Variants in ADAMTS9 observed in about 807,000 individuals in gnomAD.
ADAMTS9 encodes the protein A disintegrin and metalloproteinase with thrombospondin motifs 9.
ADAMTS9 carries 107 observed loss-of-function variants against 257.1 expected under a neutral mutation model. That is an observed-to-expected ratio of 0.42 (90% confidence interval 0.36 to 0.49). The LOEUF (loss-of-function observed/expected upper bound fraction) is 0.49, where lower values mean the gene tolerates loss of function less well. Ranked by LOEUF, ADAMTS9 falls within the 20% of genes least tolerant of loss-of-function variation. The pLI is 0.03. For synonymous variants in ADAMTS9, 982 were observed against 880.9 expected, an observed-to-expected ratio of 1.11 and a Z score of -2.03; for missense variants, 2,353 against 2,469.1, an observed-to-expected ratio of 0.95 and a Z score of 1.00.
intron 29 of ADAMTS9, among the ~76,000 whole-genome samples, chr3:64,562,568 A>G (rs2083446315): frequency 6.6e-6 from 1 of 152,198 alleles, no homozygotes; most frequent in Non-Finnish European, 1.5e-5. Flanking sequence ...TGTCTTGATT[A>G]AGGTTTTGAC....
In ADAMTS9 at chr3:64,649,623, C is replaced by A; in HGVS notation, c.1605+14G>T. The A allele has an allele frequency of 6.3e-7, 1 of 1,592,690 alleles. No homozygotes were observed. Among genetic ancestry groups the A allele is most frequent in the South Asian group, 1.1e-5 (1 of 87,830 alleles). Reference sequence around the variant, plus strand: ...ATCAGTAGATGAGGGCAGAAGTGGCCCTCCTACACTTACCATATATGGGCA... The same window carrying A: ...ATCAGTAGATGAGGGCAGAAGTGGCACTCCTACACTTACCATATATGGGCA... On this transcript the variant is annotated intron_variant, in intron 10 of 39. Coordinates refer to ENST00000498707, the MANE Select transcript of ADAMTS9 (RefSeq NM_182920.2).
At chr3:64,649,606 A>G in intron 10 of ADAMTS9, 31 bp downstream of exon 10, 1 of 1,579,514 alleles carries the variant, frequency 6.3e-7, no homozygotes, top group Non-Finnish European at 8.6e-7. Context: ...GAATCAGTAG[A>G]TGAGGGCAGA....
intron 11 of ADAMTS9, among the ~76,000 whole-genome samples, chr3:64,646,049 C>G (rs1700778187): frequency 6.6e-6 from 1 of 152,120 alleles, no homozygotes; most frequent in South Asian, 2.1e-4. Context: ...CAAGTCATTT[C>G]ATCACATGAT....
chr3:64,571,474 T>C (rs569266438), intron 28 of ADAMTS9, among the ~76,000 whole-genome samples: 220 of 152,310 alleles, frequency 1.4e-3, no homozygotes, highest in African/African-American at 5.1e-3. Context: ...ATAACTGACA[T>C]CTATTGCTAA....
chr3:64,560,746 A>G (rs1483475363), intron 30 of ADAMTS9, among the ~76,000 whole-genome samples: 1 of 152,104 alleles, frequency 6.6e-6, no homozygotes, highest in Non-Finnish European at 1.5e-5. Flanking sequence ...CCCTTTCTTT[A>G]TGTTCTGAAA....
intron 30 of ADAMTS9, among the ~76,000 whole-genome samples, chr3:64,560,876 C>T (rs2083409085): frequency 6.6e-6 from 1 of 151,986 alleles, no homozygotes; most frequent in African/African-American, 2.4e-5. Flanking sequence ...AATTCTTTCC[C>T]CCCCTTTTCT....
intron 8 of ADAMTS9, among the ~76,000 whole-genome samples, chr3:64,652,175 A>G (rs1193561696): frequency 6.6e-6 from 1 of 152,186 alleles, no homozygotes; most frequent in East Asian, 1.9e-4. Context: ...TCACTAGTTC[A>G]TCTTGATTAC....
At chr3:64,676,477 C>A (rs1356712270) in intron 3 of ADAMTS9, among the ~76,000 whole-genome samples, 2 of 151,978 alleles carry the variant, frequency 1.3e-5, no homozygotes, top group Non-Finnish European at 2.9e-5. Context: ...GCCTTTACTT[C>A]AGATATTCTG....
At chr3:64,574,447 T>C (rs543227580) in intron 28 of ADAMTS9, among the ~76,000 whole-genome samples, 1 of 150,474 alleles carries the variant, frequency 6.6e-6, no homozygotes, top group South Asian at 2.1e-4. Context: ...GCATGGCTGG[T>C]CACTCTGGCT....
At position 64,612,936 on chromosome 3, in the gene ADAMTS9, T is replaced by C. The variant is rs185874785; in HGVS notation, c.3354+409A>G. The stretch of plus-strand genomic sequence containing the variant: ...AGAGGTGAGCTTTGTAATTGTGACA[T>C]TGGGAGCCAAAATATCTTTTCCAAA... On this transcript the variant is annotated intron_variant, in intron 22 of 39. Transcript: ENST00000498707. Among the ~76,000 whole-genome samples the C allele has an allele frequency of 3.9e-5, 6 of 152,316 alleles. No individual in the cohort carries two copies. In the East Asian group the frequency reaches 9.7e-4, roughly 25 times the overall value.
intron 19 of ADAMTS9, among the ~76,000 whole-genome samples, chr3:64,619,231 T>A (rs1051725603): frequency 1.3e-5 from 2 of 151,966 alleles, no homozygotes; most frequent in Non-Finnish European, 2.9e-5. Flanking sequence ...ACTCAACCAG[T>A]CTCGTTCTGA....
intron 31 of ADAMTS9, among the ~76,000 whole-genome samples, chr3:64,548,337 C>A (rs1330803666): frequency 2.0e-5 from 3 of 152,158 alleles, no homozygotes; most frequent in Admixed American, 2.0e-4. Context: ...TTTCTTCCTT[C>A]TTTGGCTGCT....
chr3:64,522,172 T>C lies in ADAMTS9; in HGVS notation c.5807A>G (p.Ter1936TrpextTer13). The change falls in exon 39 of 40, where the codon TAG (stop) becomes TGG (tryptophan). Residue 1936 changes from the stop codon to tryptophan, a stop_lost. Coordinates refer to ENST00000498707, the MANE Select transcript of ADAMTS9 (RefSeq NM_182920.2). ...CAGACATAGGACTACTTACCTTAGCTATAAAACTCGCACCTCCAGGCCAGT... is the reference window on the plus strand; with the variant it reads ...CAGACATAGGACTACTTACCTTAGCCATAAAACTCGCACCTCCAGGCCAGT... ...SGTGLEVRVL[*>W] 6.2e-7 allele frequency: 1 copy of C among 1,613,790 alleles called. No homozygotes were observed. Among genetic ancestry groups the C allele is most frequent in the African/African-American group, 1.3e-5 (1 of 75,036 alleles).
At chr3:64,616,576 G>T (rs377592484) in intron 19 of ADAMTS9, among the ~76,000 whole-genome samples, 30 of 152,064 alleles carry the variant, frequency 2.0e-4, no homozygotes, top group African/African-American at 5.1e-4. Flanking sequence ...TTTAAAATTA[G>T]ATTTGAATCT....
intron 4 of ADAMTS9, among the ~76,000 whole-genome samples, chr3:64,657,771 CAT>C (rs1207838232): frequency 1.3e-5 from 2 of 151,902 alleles, no homozygotes; most frequent in Admixed American, 1.3e-4. Context: ...TTGTTAGAAA[CAT>C]ATACAAAAAC....
intron 30 of ADAMTS9, among the ~76,000 whole-genome samples, chr3:64,561,065 C>CTT (rs57577807): frequency 0.033 from 2,773 of 83,612 alleles, 66 homozygotes; most frequent in East Asian, 0.061. Context: ...AGATACCATC[C>CTT]TTTTTTTTTT....
intron 38 of ADAMTS9, among the ~76,000 whole-genome samples, chr3:64,528,989 T>G (rs1008355284): frequency 4.6e-5 from 7 of 152,112 alleles, no homozygotes; most frequent in African/African-American, 1.7e-4. Flanking sequence ...CTGCAGCCAC[T>G]GACGGTTTTC....
At chr3:64,642,805 C>T (rs1700686362) in intron 11 of ADAMTS9, among the ~76,000 whole-genome samples, 1 of 151,972 alleles carries the variant, frequency 6.6e-6, no homozygotes, top group South Asian at 2.1e-4. Flanking sequence ...ATCTCTGAAG[C>T]GGAGCTGGTG....
Position 64,611,490 on chromosome 3 carries a change from G to A in ADAMTS9, c.3354+1855C>T, listed in dbSNP as rs147763629. 2.1e-3 allele frequency among the ~76,000 whole-genome samples: 326 copies of A among 152,238 alleles called. 1 individual carries two copies. The highest frequency in any genetic ancestry group is 6.8e-3 in the Middle Eastern group (2 of 294). On this transcript the variant is annotated intron_variant, in intron 22 of 39. Coordinates refer to ENST00000498707, the MANE Select transcript of ADAMTS9 (RefSeq NM_182920.2). ...CCAGGGACTGAGGGAAGAGTGGGGTGGGGAACAAATGCTTAGTTCAGTGGT... is the reference window on the plus strand; with the variant it reads ...CCAGGGACTGAGGGAAGAGTGGGGTAGGGAACAAATGCTTAGTTCAGTGGT...
Sources: gnomAD v4.1 joint callset for allele counts (sites outside exome capture counted in the v4.1 genomes callset) on GRCh38, gnomAD v4.1.1 for gene constraint, MANE v1.5 for transcripts, NCBI Gene and HGNC (gene_info 2026-07-23, HGNC 2026-07-21) for gene names.